The following LDHA variants were observed in gnomAD, a reference collection of about 807,000 sequenced individuals.
The protein encoded by LDHA is L-lactate dehydrogenase A chain.
Under a neutral mutation model 36.3 loss-of-function variants are expected in LDHA, and 10 were observed. The observed-to-expected ratio is 0.28, with a 90% CI of 0.17 to 0.47. The LOEUF (loss-of-function observed/expected upper bound fraction) is 0.47. LDHA is among the 20% of genes least tolerant of loss of function. LDHA has a pLI of 0.99. For synonymous variants in LDHA, 110 were observed against 136.7 expected, an observed-to-expected ratio of 0.80 and a Z score of 1.36; for missense variants, 267 against 405.8, an observed-to-expected ratio of 0.66 and a Z score of 2.94.
chr11:18,408,075 G>A lies in LDHA; in HGVS notation c.*794G>A, dbSNP rs1866768380. On this transcript the variant is annotated 3_prime_UTR_variant, in exon 8 of 8. Coordinates refer to ENST00000422447, the MANE Select transcript of LDHA (RefSeq NM_005566.4). Reference sequence around the variant, plus strand: ...TTTGATAATAATGCTAATCATAATTGGAAAGTAACATTCTATATGTAAATG... The same window carrying A: ...TTTGATAATAATGCTAATCATAATTAGAAAGTAACATTCTATATGTAAATG... 2.2e-6 allele frequency: 1 copy of A among 453,698 alleles called. No individual in the cohort carries two copies. Among genetic ancestry groups the A allele is most frequent in the African/African-American group, 2.0e-5 (1 of 49,946 alleles). The allele number at this position is 453,698 out of a possible 1,614,324, so 28.1% of individuals were successfully genotyped here.
chr11:18,399,221 CAG>C lies in LDHA; in HGVS notation c.127-209_127-208del, dbSNP rs950072235. On this transcript the variant is annotated intron_variant, in intron 2 of 7. Coordinates refer to ENST00000422447, the MANE Select transcript of LDHA (RefSeq NM_005566.4). ...TATAGAGCTCGCTTCAGTGGGGAGACAGGGCTGGAGAGAGGGTCAGTGCTATC... is the reference window on the plus strand; with the variant it reads ...TATAGAGCTCGCTTCAGTGGGGAGACGGCTGGAGAGAGGGTCAGTGCTATC... The C allele has an allele frequency of 9.5e-6, 5 of 524,786 alleles. No homozygotes were observed. In the African/African-American group the frequency reaches 9.6e-5, roughly 10 times the overall value. The allele number at this position is 524,786 out of a possible 1,614,324, so 32.5% of individuals were successfully genotyped here.
At position 18,396,851 on chromosome 11, in the gene LDHA, T is replaced by C. The variant is rs200837378; in HGVS notation, c.9T>C (p.Thr3=). 3 of 1,612,866 alleles carry C rather than the reference T, an allele frequency of 1.9e-6. No individual in the cohort carries two copies. The highest frequency in any genetic ancestry group is 2.5e-6 in the Non-Finnish European group (3 of 1,179,234). ...TTGGTTCCAAGTCCAATATGGCAAC[T>C]CTAAAGGATCAGCTGATTTATAATC... is the stretch of plus-strand genomic sequence containing the variant. MA[T]LKDQLIYNLL... The change falls in exon 2 of 8, where the codon ACT becomes ACC. Residue 3 remains threonine, a synonymous_variant. Transcript: ENST00000422447.
At position 18,407,048 on chromosome 11, in the gene LDHA, G is replaced by A. The variant is rs1019592807; in HGVS notation, c.835-69G>A. 1.6e-4 allele frequency: 191 copies of A among 1,224,032 alleles called. No homozygotes were observed. The African/African-American group carries it at 2.0e-3, about 13-fold the overall frequency. 75.8% of individuals were successfully genotyped at this position (1,224,032 alleles called of 1,614,324 possible). A position where few individuals can be genotyped will look rare whatever the true frequency, so the allele number is the denominator to read the frequency against. ...AAAAAGCTTTATAATTATAGAGACT[G>A]TAAGTCTTGGGAAACCTGGGAATGC... On this transcript the variant is annotated intron_variant, in intron 7 of 7. Coordinates refer to ENST00000422447, the MANE Select transcript of LDHA (RefSeq NM_005566.4).
At chr11:18,396,289 C>G in intron 1 of LDHA, 1 of 370,012 alleles carries the variant, frequency 2.7e-6, no homozygotes, top group Non-Finnish European at 4.8e-6. Flanking sequence ...AAAAGCCGGG[C>G]GTTCGGAGGA....
rs1008320372 is a variant in LDHA at position 18,405,438 on chromosome 11, C to A, written c.711-11C>A. On this transcript the variant is annotated splice_polypyrimidine_tract_variant and intron_variant, in intron 6 of 7. Coordinates refer to ENST00000422447, the MANE Select transcript of LDHA (RefSeq NM_005566.4). ...TTTTTCTGCCTTTACCTATGGTTTCCTATCATACAGTGCTTATGAGGTGAT... is the reference window on the plus strand; with the variant it reads ...TTTTTCTGCCTTTACCTATGGTTTCATATCATACAGTGCTTATGAGGTGAT... 1.2e-6 allele frequency: 2 copies of A among 1,612,506 alleles called. No homozygotes were observed. Among genetic ancestry groups the A allele is most frequent in the South Asian group, 2.2e-5 (2 of 91,032 alleles).
intron 1 of LDHA, among the ~76,000 whole-genome samples, chr11:18,395,897 G>T (rs1021654722): frequency 2.0e-5 from 3 of 152,226 alleles, no homozygotes; most frequent in Non-Finnish European, 4.4e-5. Context: ...AAGGATCACG[G>T]CCGAAGCCAC....
At chr11:18,399,652 G>A (rs570736990) in intron 3 of LDHA, 104 bp downstream of exon 3, 37 of 841,310 alleles carry the variant, frequency 4.4e-5, no homozygotes, top group South Asian at 2.4e-4. Context: ...CACAATTATG[G>A]CTCACCACAG....
At chr11:18,396,763 T>G (rs1289348853) in intron 1 of LDHA, 56 bp from the exon 2 acceptor site, 1 of 1,488,418 alleles carries the variant, frequency 6.7e-7, no homozygotes, top group African/African-American at 1.4e-5. Context: ...AAAAAATCTC[T>G]TGGTTAATAA....
At chr11:18,405,696 C>A in intron 7 of LDHA, 124 bp downstream of exon 7, 2 of 1,065,624 alleles carry the variant, frequency 1.9e-6, no homozygotes, top group Non-Finnish European at 2.9e-6. Context: ...TTAATGTACC[C>A]ACAGCTTACC....
chr11:18,403,761 TGATAAA>T lies in LDHA; in HGVS notation c.666_671del (p.Asp223_Lys224del), dbSNP rs1866579521. The T allele has an allele frequency of 3.1e-6, 5 of 1,611,766 alleles. No individual in the cohort carries two copies. The highest frequency in any genetic ancestry group is 4.5e-5 in the East Asian group (2 of 44,838). On this transcript the variant is annotated inframe_deletion, in exon 6 of 8. Coordinates refer to ENST00000422447, the MANE Select transcript of LDHA (RefSeq NM_005566.4). Reference sequence around the variant, plus strand: ...AGACTCTGCACCCAGATTTAGGGACTGATAAAGATAAGGAACAGTGGAAAGAGGTTC... The same window carrying T: ...AGACTCTGCACCCAGATTTAGGGACTGATAAGGAACAGTGGAAAGAGGTTC...
intron 1 of LDHA, among the ~76,000 whole-genome samples, chr11:18,395,903 G>A (rs1486924448): frequency 6.6e-6 from 1 of 152,244 alleles, no homozygotes; most frequent in African/African-American, 2.4e-5. Flanking sequence ...CACGGCCGAA[G>A]CCACACCGTG....
intron 1 of LDHA, chr11:18,396,202 G>GC (rs1263322288): frequency 4.0e-6 from 1 of 248,064 alleles, no homozygotes; most frequent in East Asian, 7.3e-5. Context: ...AATCGGCTTC[G>GC]CCCTGCGCGC....
intron 2 of LDHA, among the ~76,000 whole-genome samples, chr11:18,397,636 C>T (rs1866347062): frequency 6.6e-6 from 1 of 151,972 alleles, no homozygotes; most frequent in East Asian, 1.9e-4. Context: ...ACGATGAAAC[C>T]CCATCTTTAC....
At chr11:18,405,598 A>T in intron 7 of LDHA, 26 bp downstream of exon 7, 1 of 1,612,336 alleles carries the variant, frequency 6.2e-7, no homozygotes, top group Non-Finnish European at 8.5e-7. Context: ...GATACGCTGC[A>T]TTTGAATGCT....
intron 2 of LDHA, among the ~76,000 whole-genome samples, chr11:18,398,312 A>G (rs1402850366): frequency 2.0e-5 from 3 of 152,332 alleles, no homozygotes; most frequent in East Asian, 3.9e-4. Context: ...AACTGTTAGT[A>G]TTGGTTCATA....
At chr11:18,406,717 A>G (rs10832933) in intron 7 of LDHA, 104,052 of 160,078 alleles carry the variant, frequency 0.65, 34,931 homozygotes, top group South Asian at 0.74. Context: ...ACTCCATCTC[A>G]AAAGAAAAAA....
intron 3 of LDHA, chr11:18,400,092 A>G (rs1866427500): frequency 5.4e-6 from 1 of 183,970 alleles, no homozygotes; most frequent in South Asian, 1.1e-4. Flanking sequence ...GTAATGAGTA[A>G]AGCTTAAACC....
At position 18,403,066 on chromosome 11, in the gene LDHA, A is replaced by G. The variant is rs956081515; in HGVS notation, c.592+53A>G. ...TTTGAAAAGATTATATAAAAAGTCG[A>G]TGGGCATTATATTATTCAATTAGAG... On this transcript the variant is annotated intron_variant, in intron 5 of 7. Transcript: ENST00000422447. 9 of 1,459,236 alleles carry G rather than the reference A, an allele frequency of 6.2e-6. No homozygotes were observed. The Admixed American group carries it at 1.5e-4, about 25-fold the overall frequency. The allele number at this position is 1,459,236 out of a possible 1,614,324, so 90.4% of individuals were successfully genotyped here. A position where few individuals can be genotyped will look rare whatever the true frequency, so the allele number is the denominator to read the frequency against.
chr11:18,395,899 C>T (rs7111748), intron 1 of LDHA, among the ~76,000 whole-genome samples: 1 of 152,196 alleles, frequency 6.6e-6, no homozygotes, highest in African/African-American at 2.4e-5. Context: ...GGATCACGGC[C>T]GAAGCCACAC....
Sources: gnomAD v4.1 joint callset for allele counts (sites outside exome capture counted in the v4.1 genomes callset) on GRCh38, gnomAD v4.1.1 for gene constraint, MANE v1.5 for transcripts, NCBI Gene and HGNC (gene_info 2026-07-23, HGNC 2026-07-21) for gene names.